Variants in CEACAM20 observed in about 807,000 individuals in gnomAD.
The protein encoded by CEACAM20 is cell adhesion molecule CEACAM20.
A neutral mutation model predicts 61.2 loss-of-function variants in CEACAM20; 50 were observed. The ratio of observed to expected loss-of-function variants is 0.82; its 90% confidence interval spans 0.65 to 1.03. The LOEUF is 1.03. Among genes scored for constraint, CEACAM20 ranks in the 50% least tolerant of loss-of-function variants. The probability of loss-of-function intolerance (pLI) is 0.00; values close to 1 mark genes in which losing one functional copy is unlikely to be tolerated. For missense variants in CEACAM20, 683 were observed against 736.4 expected (o/e 0.93, Z 0.84); for synonymous variants, 282 against 287.7 (o/e 0.98, Z 0.20).
At chr19:44,526,574 G>A (rs916461410) in intron 1 of CEACAM20, among the ~76,000 whole-genome samples, 2 of 151,670 alleles carry the variant, frequency 1.3e-5, no homozygotes, top group African/African-American at 2.4e-5. Context: ...ACACCACTAC[G>A]GGGGCTGCAA....
At chr19:44,520,844 G>A (rs1422294480) in intron 4 of CEACAM20, 92 bp from the exon 5 acceptor site, 3 of 1,114,176 alleles carry the variant, frequency 2.7e-6, no homozygotes, top group East Asian at 3.7e-5. Flanking sequence ...AGGAGTGCGT[G>A]CGTGTGTGTG....
rs1428432855 is a variant in CEACAM20, at chr19:44,510,588, G to T, written c.1737+442C>A. 1.1e-3 allele frequency among the ~76,000 whole-genome samples: 52 copies of T among 48,784 alleles called. 1 individual carries two copies. In the East Asian group the frequency reaches 0.055, roughly 51 times the overall value. 32.0% of individuals were successfully genotyped at this position (48,784 alleles called of 152,430 possible). ...AGAAAGAAAGAAAGAAAGAAAGAAA[G>T]AAAGAAAGAAAGAAAGAAAGAAAAA... On this transcript the variant is annotated intron_variant, in intron 11 of 11. Transcript: ENST00000614924.
chr19:44,523,508 G>A (rs369417864), intron 3 of CEACAM20, among the ~76,000 whole-genome samples: 10 of 152,016 alleles, frequency 6.6e-5, no homozygotes, highest in South Asian at 2.1e-4. Flanking sequence ...TGGATCAAAC[G>A]TCTGAGGTTT....
In CEACAM20 at chr19:44,512,908, T is replaced by C. The variant is rs375276498; in HGVS notation, c.1473A>G (p.Gln491=). The change falls in exon 8 of 12, where the codon CAA becomes CAG. Residue 491 remains glutamine (Q), a synonymous_variant. Coordinates refer to ENST00000614924, the MANE Select transcript of CEACAM20 (RefSeq NM_001102597.3). ...TGGGGTGCTCCTCCTTCGGGATGGG[T>C]TGTGAGGTCTCATGACTGGGGTCCT... ...TTEDPSHETS[Q]PIPKEEHPTE... is the part of the protein sequence containing the mutation. 3 of 1,613,608 alleles carry C rather than the reference T, an allele frequency of 1.9e-6. No homozygotes were observed. In the African/African-American group the frequency reaches 4.0e-5, roughly 22 times the overall value.
At position 44,517,082 on chromosome 19, in the gene CEACAM20, G is replaced by C. The variant is rs747859378; in HGVS notation, c.1173C>G (p.His391Gln). 7.5e-6 allele frequency: 12 copies of C among 1,610,410 alleles called. 1 individual carries two copies. In the South Asian group the frequency reaches 1.3e-4, roughly 18 times the overall value. ...PGAEYRWTLE[H>Q]STGEHLGEQL... ...GCTCACCCAGGTGCTCCCCGGTGGA[G>C]TGTTCAAGAGTCCAGCGATACTCAG... Residue 391 changes from histidine to glutamine, a missense_variant, in exon 6 of 12, where the codon CAC (histidine) becomes CAG (glutamine). Coordinates refer to ENST00000614924, the MANE Select transcript of CEACAM20 (RefSeq NM_001102597.3).
intron 1 of CEACAM20, among the ~76,000 whole-genome samples, chr19:44,528,188 C>T (rs1450165048): frequency 2.8e-5 from 4 of 144,060 alleles, no homozygotes; most frequent in South Asian, 2.2e-4. Flanking sequence ...TCTTTCCTTT[C>T]TTTCTTTCCT....
intron 1 of CEACAM20, among the ~76,000 whole-genome samples, chr19:44,528,084 G>GAC (rs1971580181): frequency 6.6e-6 from 1 of 151,736 alleles, no homozygotes; most frequent in Non-Finnish European, 1.5e-5. Context: ...CTGTCTCTTT[G>GAC]TCCTCTGTCT....
intron 5 of CEACAM20, among the ~76,000 whole-genome samples, chr19:44,519,869 G>T (rs889272100): frequency 8.5e-5 from 13 of 152,166 alleles, no homozygotes; most frequent in African/African-American, 3.1e-4. Context: ...AGTGCATCCA[G>T]GAAACTAAGG....
Position 44,522,618 on chromosome 19 carries a change from G to A in CEACAM20, c.751+16C>T, listed in dbSNP as rs576205974. On this transcript the variant is annotated intron_variant, in intron 4 of 11. Coordinates refer to ENST00000614924, the MANE Select transcript of CEACAM20 (RefSeq NM_001102597.3). Reference sequence around the variant, plus strand: ...CTCAGAAGAATGAAGGAGAGGAACCGGGAAAGGAGACTCACCAAGTACTCG... The same window carrying A: ...CTCAGAAGAATGAAGGAGAGGAACCAGGAAAGGAGACTCACCAAGTACTCG... The A allele has an allele frequency of 1.9e-5, 31 of 1,607,612 alleles. No homozygotes were observed. Among genetic ancestry groups the A allele is most frequent in the African/African-American group, 4.0e-5 (3 of 74,760 alleles).
At position 44,506,215 on chromosome 19, in the gene CEACAM20, C is replaced by G. The variant is rs763340503; in HGVS notation, c.1738-1G>C. 1 of 1,613,560 alleles carries G rather than the reference C, an allele frequency of 6.2e-7. No homozygotes were observed. The highest frequency in any genetic ancestry group is 8.5e-7 in the Non-Finnish European group (1 of 1,179,652). The stretch of plus-strand genomic sequence containing the variant: ...TGTTGGGCTCTGGATTCACAAGCTC[C>G]TGTTAAACAAAGAGAAAATGTGAGC... On this transcript the variant is annotated splice_acceptor_variant, in intron 11 of 11. Transcript: ENST00000614924. LOFTEE classifies it high-confidence loss of function.
intron 2 of CEACAM20, 138 bp downstream of exon 2, chr19:44,524,963 A>T: frequency 9.1e-7 from 1 of 1,103,668 alleles, no homozygotes; most frequent in East Asian, 2.8e-5. Context: ...CCCCTGGCAC[A>T]GCTGACTGAA....
At chr19:44,522,610 G>C in intron 4 of CEACAM20, 24 bp downstream of exon 4, 4 of 1,605,398 alleles carry the variant, frequency 2.5e-6, no homozygotes, top group Middle Eastern at 1.7e-4. Flanking sequence ...GAATGAAGGA[G>C]AGGAACCGGG....
In CEACAM20 at chr19:44,506,233, A is replaced by G; in HGVS notation, c.1738-19T>C. Reference sequence around the variant, plus strand: ...CAAGCTCCTGTTAAACAAAGAGAAAATGTGAGCTCCATTTGCTAGGTGGAC... The same window carrying G: ...CAAGCTCCTGTTAAACAAAGAGAAAGTGTGAGCTCCATTTGCTAGGTGGAC... On this transcript the variant is annotated intron_variant, in intron 11 of 11. Transcript: ENST00000614924. The G allele has an allele frequency of 6.2e-6, 10 of 1,612,524 alleles. No homozygotes were observed. The highest frequency in any genetic ancestry group is 8.5e-6 in the Non-Finnish European group (10 of 1,178,924).
intron 4 of CEACAM20, 41 bp downstream of exon 4, chr19:44,522,593 C>T (rs559254545): frequency 1.4e-5 from 23 of 1,594,624 alleles, no homozygotes; most frequent in Non-Finnish European, 2.0e-5. Flanking sequence ...GCATCTGACG[C>T]TCAGAAGAAT....
chr19:44,527,279 T>G (rs1317494253), intron 1 of CEACAM20, among the ~76,000 whole-genome samples: 3 of 64,052 alleles, frequency 4.7e-5, no homozygotes, highest in Non-Finnish European at 9.0e-5. Flanking sequence ...ATGGCAACGA[T>G]GATGATGATG....
chr19:44,515,060 A>G (rs1445155025), intron 6 of CEACAM20, among the ~76,000 whole-genome samples: 1 of 151,776 alleles, frequency 6.6e-6, no homozygotes, highest in Non-Finnish European at 1.5e-5. Context: ...CTGGTCTTCA[A>G]CTCCTGACCA....
intron 6 of CEACAM20, among the ~76,000 whole-genome samples, chr19:44,516,206 A>C (rs1971148843): frequency 1.3e-5 from 2 of 152,206 alleles, no homozygotes; most frequent in Admixed American, 1.3e-4. Flanking sequence ...ACTCCCTGCC[A>C]GTCATGTCCA....
At chr19:44,522,562 TG>T in intron 4 of CEACAM20, 71 bp downstream of exon 4, 1 of 1,515,888 alleles carries the variant, frequency 6.6e-7, no homozygotes, top group Non-Finnish European at 8.9e-7. Context: ...TAAGAACTCC[TG>T]GTTCCTTCTG....
At position 44,520,512 on chromosome 19, in the gene CEACAM20, C is replaced by G; in HGVS notation, c.992G>C (p.Ser331Thr). The stretch of plus-strand genomic sequence containing the variant: ...CTCAAGGGGCTCACTCCGGGCCCGG[C>G]TGCCCCAGTTCCAGACCTCACAGGC... The part of the protein sequence containing the change: ...PYACEVWNWG[S>T]RARSEPLELT... The change falls in exon 5 of 12, where the codon AGC becomes ACC. Residue 331 changes from serine (S) to threonine (T), a missense_variant. Physicochemically the swap from Ser to Thr is moderately conservative, Grantham distance 58. Coordinates refer to ENST00000614924, the MANE Select transcript of CEACAM20 (RefSeq NM_001102597.3). 6.2e-7 allele frequency: 1 copy of G among 1,613,678 alleles called. No individual in the cohort carries two copies. Among genetic ancestry groups the G allele is most frequent in the Non-Finnish European group, 8.5e-7 (1 of 1,179,900 alleles).
Sources: gnomAD v4.1 joint callset for allele counts (sites outside exome capture counted in the v4.1 genomes callset) on GRCh38, gnomAD v4.1.1 for gene constraint, MANE v1.5 for transcripts, NCBI Gene and HGNC (gene_info 2026-07-23, HGNC 2026-07-21) for gene names.